ADAD1: variants seen among roughly 807,000 people sequenced by gnomAD.
The protein encoded by ADAD1 is adenosine deaminase domain-containing protein 1.
ADAD1 carries 46 observed loss-of-function variants against 66.8 expected under a neutral mutation model. The observed-to-expected ratio is 0.69, with a 90% confidence interval of 0.54 to 0.88. The LOEUF is 0.88. Among genes scored for constraint, ADAD1 ranks in the 40% least tolerant of loss-of-function variants. The pLI, the probability that ADAD1 is intolerant of heterozygous loss-of-function variation, is 0.00. For synonymous variants in ADAD1, 248 were observed against 229.4 expected (o/e 1.08, Z -0.73); for missense variants, 617 against 681.8 (o/e 0.91, Z 1.06).
intron 7 of ADAD1, among the ~76,000 whole-genome samples, chr4:122,401,074 C>T (rs1198913793): frequency 1.3e-5 from 2 of 151,902 alleles, no homozygotes; most frequent in Non-Finnish European, 2.9e-5. Context: ...TTCTCTAGTT[C>T]CTTGAGGTGT....
intron 12 of ADAD1, among the ~76,000 whole-genome samples, chr4:122,428,070 G>A (rs1370531315): frequency 1.6e-5 from 2 of 122,786 alleles, no homozygotes; most frequent in African/African-American, 3.6e-5. Flanking sequence ...GGTGGGATAT[G>A]TGTGGGTAAA....
rs1294497330 is a variant in ADAD1 at position 122,421,313 on chromosome 4, A to G, written c.1540A>G (p.Met514Val). Residue 514 changes from methionine to valine, a missense_variant, in exon 12 of 13, where the codon ATG (methionine) becomes GTG (valine). Transcript: ENST00000296513. ...GGCAAGTCGGCTTTGTAAGGCTGCAATGTTAAGTCGGTTTAACCTGCTTGC... is the reference window on the plus strand; with the variant it reads ...GGCAAGTCGGCTTTGTAAGGCTGCAGTGTTAAGTCGGTTTAACCTGCTTGC... ...SMASRLCKAA[M>V]LSRFNLLAKE... 7 of 1,607,124 alleles carry G rather than the reference A, an allele frequency of 4.4e-6. No homozygotes were observed. The highest frequency in any genetic ancestry group is 1.7e-5 in the Admixed American group (1 of 59,974).
rs1794818757 is a variant in ADAD1 at position 122,380,170 on chromosome 4, C to T, written c.101C>T (p.Thr34Ile). 3 of 1,614,218 alleles carry T rather than the reference C, an allele frequency of 1.9e-6. No individual in the cohort carries two copies. The East Asian group carries it at 6.7e-5, about 36-fold the overall frequency. Residue 34 changes from threonine (T) to isoleucine (I), a missense_variant, in exon 3 of 13, where the codon ACT becomes ATT. Physicochemically the swap from Thr to Ile is moderately conservative, Grantham distance 89. Transcript: ENST00000296513. Reference sequence around the variant, plus strand: ...GTTCAACCAGCGACAAAGACGATAACTACACCCACAGGATGGTCCTCAGAA... The same window carrying T: ...GTTCAACCAGCGACAAAGACGATAATTACACCCACAGGATGGTCCTCAGAA... Reference protein sequence around the residue: ...LPVQPATKTITTPTGWSSESY... With the variant: ...LPVQPATKTIITPTGWSSESY...
At chr4:122,411,639 CT>C (rs1796472069) in intron 9 of ADAD1, among the ~76,000 whole-genome samples, 1 of 152,130 alleles carries the variant, frequency 6.6e-6, no homozygotes, top group African/African-American at 2.4e-5. Flanking sequence ...GAATTGGAAA[CT>C]TTTTGAGCAC....
rs1794870914 is a variant in ADAD1, at chr4:122,381,018, A to G, written c.199A>G (p.Lys67Glu). Residue 67 changes from lysine (K) to glutamate (E), a missense_variant, in exon 4 of 13, where the codon AAG becomes GAG. Physicochemically the swap from Lys to Glu is moderately conservative, Grantham distance 56. Coordinates refer to ENST00000296513, the MANE Select transcript of ADAD1 (RefSeq NM_139243.4). ...TAATTTTCCAGAGCCGTTGCTTTCC[A>G]AGAATCTTTCATCTATTTCAAATCC... Reference protein sequence around the residue: ...TGNFPEPLLSKNLSSISNPVL... With the variant: ...TGNFPEPLLSENLSSISNPVL... The G allele has an allele frequency of 1.3e-6, 2 of 1,596,442 alleles. No individual in the cohort carries two copies. Among genetic ancestry groups the G allele is most frequent in the Admixed American group, 1.9e-5 (1 of 53,776 alleles).
At chr4:122,384,759 T>C (rs528903993) in intron 5 of ADAD1, among the ~76,000 whole-genome samples, 12 of 152,338 alleles carry the variant, frequency 7.9e-5, no homozygotes, top group Non-Finnish European at 1.6e-4. Context: ...CCCACTGGTC[T>C]GCAAACTTTA....
chr4:122,400,394 A>G (rs1392703075), intron 7 of ADAD1, among the ~76,000 whole-genome samples: 2 of 151,840 alleles, frequency 1.3e-5, no homozygotes, highest in Non-Finnish European at 2.9e-5. Context: ...ATGCTCTTGG[A>G]TTCAGTTAGC....
chr4:122,422,038 T>G (rs111988177), intron 12 of ADAD1, among the ~76,000 whole-genome samples: 63 of 152,202 alleles, frequency 4.1e-4, no homozygotes, highest in African/African-American at 1.5e-3. Context: ...TATTTGTGTA[T>G]GTATCTGTTT....
chr4:122,392,708 T>C (rs1278834793), intron 5 of ADAD1, among the ~76,000 whole-genome samples: 1 of 152,126 alleles, frequency 6.6e-6, no homozygotes, highest in Admixed American at 6.5e-5. Context: ...AAGTTGAAAG[T>C]TTTTGAAAAA....
At chr4:122,385,313 C>A (rs1329379290) in intron 5 of ADAD1, among the ~76,000 whole-genome samples, 1 of 152,130 alleles carries the variant, frequency 6.6e-6, no homozygotes. Context: ...CACTCTGTCA[C>A]CCAGGCTGGA....
chr4:122,407,504 G>C (rs1374727432), intron 7 of ADAD1, among the ~76,000 whole-genome samples: 3 of 152,182 alleles, frequency 2.0e-5, no homozygotes, highest in Admixed American at 6.5e-5. Flanking sequence ...TAGGGTTTGA[G>C]TGGATTAAGA....
chr4:122,405,124 G>A (rs1796149225), intron 7 of ADAD1, among the ~76,000 whole-genome samples: 1 of 152,138 alleles, frequency 6.6e-6, no homozygotes, highest in Non-Finnish European at 1.5e-5. Flanking sequence ...AAGGTTTACG[G>A]ACCTGGTTAT....
chr4:122,416,802 A>G (rs1440820406), intron 11 of ADAD1, among the ~76,000 whole-genome samples: 1 of 152,144 alleles, frequency 6.6e-6, no homozygotes, highest in African/African-American at 2.4e-5. Context: ...TCAGTTAAGC[A>G]TAACACTGAT....
At chr4:122,380,274 G>T (rs377645987) in intron 3 of ADAD1, 33 bp downstream of exon 3, 2 of 1,582,032 alleles carry the variant, frequency 1.3e-6, no homozygotes, top group East Asian at 2.2e-5. Flanking sequence ...CAATGAGTCA[G>T]TTCTTTAAGA....
At chr4:122,414,532 C>T (rs1796639357) in intron 10 of ADAD1, among the ~76,000 whole-genome samples, 1 of 151,952 alleles carries the variant, frequency 6.6e-6, no homozygotes, top group Non-Finnish European at 1.5e-5. Context: ...ATACCAAAAG[C>T]AGTACATGTC....
rs1796733899 is a variant in ADAD1, at chr4:122,416,342, T to TA, written c.1487+727dup. Among the ~76,000 whole-genome samples the TA allele has an allele frequency of 3.9e-5, 6 of 152,378 alleles. 1 individual carries two copies. In the South Asian group the frequency reaches 8.3e-4, roughly 21 times the overall value. On this transcript the variant is annotated intron_variant, in intron 11 of 12. Transcript: ENST00000296513. ...TAAAACTGTTCTTTTAGTGTGAACA[T>TA]ACATTTGTAATGAGGCAGTGAATAA...
At chr4:122,383,178 A>C (rs1047428403) in intron 4 of ADAD1, among the ~76,000 whole-genome samples, 8 of 152,144 alleles carry the variant, frequency 5.3e-5, no homozygotes, top group African/African-American at 1.4e-4. Flanking sequence ...CATTCAGTTT[A>C]ATTCTTTAGT....
At chr4:122,409,786 G>A (rs963948470) in intron 8 of ADAD1, among the ~76,000 whole-genome samples, 11 of 151,958 alleles carry the variant, frequency 7.2e-5, no homozygotes, top group South Asian at 2.1e-4. Context: ...TGCAACCTCC[G>A]CCTCCCAGGT....
intron 7 of ADAD1, among the ~76,000 whole-genome samples, chr4:122,407,392 G>A (rs560954153): frequency 1.3e-5 from 2 of 152,258 alleles, no homozygotes; most frequent in African/African-American, 4.8e-5. Context: ...AATGTGAATG[G>A]AGCAAAGTTA....
Sources: gnomAD v4.1 joint callset for allele counts (sites outside exome capture counted in the v4.1 genomes callset) on GRCh38, gnomAD v4.1.1 for gene constraint, MANE v1.5 for transcripts, NCBI Gene and HGNC (gene_info 2026-07-23, HGNC 2026-07-21) for gene names.